PDE1C: variants seen among roughly 807,000 people sequenced by gnomAD.
The protein encoded by PDE1C is dual specificity calcium/calmodulin-dependent 3',5'-cyclic nucleotide phosphodiesterase 1C.
PDE1C carries 62 observed loss-of-function variants against 93.1 expected under a neutral mutation model. The ratio of observed to expected loss-of-function variants is 0.67; its 90% CI spans 0.54 to 0.82. The LOEUF (loss-of-function observed/expected upper bound fraction) is 0.82, where lower values mean the gene tolerates loss of function less well. Ranked by LOEUF, PDE1C falls within the 40% of genes least tolerant of loss-of-function variation. PDE1C has a pLI of 0.00. For synonymous variants in PDE1C, 325 were observed against 310.1 expected, an observed-to-expected ratio of 1.05 and a Z score of -0.50; for missense variants, 742 against 884.6, an observed-to-expected ratio of 0.84 and a Z score of 2.04.
At chr7:32,152,480 G>A (rs1179466739) in intron 3 of PDE1C, among the ~76,000 whole-genome samples, 1 of 152,170 alleles carries the variant, frequency 6.6e-6, no homozygotes, top group African/African-American at 2.4e-5. Flanking sequence ...CTTCAAAGCT[G>A]TGACAAATGA....
intron 1 of PDE1C, among the ~76,000 whole-genome samples, chr7:32,374,239 AAGG>A (rs1562695916): frequency 6.0e-5 from 8 of 132,426 alleles, no homozygotes; most frequent in African/African-American, 2.2e-4. Flanking sequence ...AAAAAGAAAG[AAGG>A]AAGGAAAGGA....
intron 2 of PDE1C, among the ~76,000 whole-genome samples, chr7:31,990,698 T>A (rs1784047891): frequency 6.6e-6 from 1 of 152,236 alleles, no homozygotes; most frequent in Non-Finnish European, 1.5e-5. Context: ...AATACAAATT[T>A]GCTTGAATTC....
intron 1 of PDE1C, among the ~76,000 whole-genome samples, chr7:32,062,839 C>A (rs905424181): frequency 2.0e-5 from 3 of 152,176 alleles, no homozygotes; most frequent in Non-Finnish European, 4.4e-5. Flanking sequence ...GAATGAATGA[C>A]TGAATTTTCT....
intron 1 of PDE1C, among the ~76,000 whole-genome samples, chr7:32,415,237 G>A (rs992464200): frequency 6.6e-6 from 1 of 152,142 alleles, no homozygotes; most frequent in Admixed American, 6.5e-5. Flanking sequence ...GATTACTTGA[G>A]GTCAGTAGTT....
At chr7:31,967,084 G>T (rs1450968015) in intron 2 of PDE1C, among the ~76,000 whole-genome samples, 1 of 152,076 alleles carries the variant, frequency 6.6e-6, no homozygotes, top group Non-Finnish European at 1.5e-5. Context: ...TCAAAAGCTA[G>T]CAGAAGGCAA....
At chr7:32,255,870 C>T (rs999426263) in intron 1 of PDE1C, among the ~76,000 whole-genome samples, 1 of 152,130 alleles carries the variant, frequency 6.6e-6, no homozygotes, top group Admixed American at 6.5e-5. Flanking sequence ...ACAGAAAGGG[C>T]TGGTGGACTA....
intron 2 of PDE1C, among the ~76,000 whole-genome samples, chr7:32,208,171 A>G (rs1194539032): frequency 1.3e-5 from 2 of 152,226 alleles, no homozygotes; most frequent in African/African-American, 2.4e-5. Flanking sequence ...ACAGTTCTAT[A>G]AAAATCATTT....
chr7:32,082,002 T>C (rs4361683), intron 3 of PDE1C, among the ~76,000 whole-genome samples: 95,130 of 152,010 alleles, frequency 0.63, 30,144 homozygotes, highest in African/African-American at 0.71. Flanking sequence ...GAGTGCCAGA[T>C]AGTGGGTGCA....
chr7:32,163,517 A>C (rs1459837777), intron 3 of PDE1C, among the ~76,000 whole-genome samples: 1 of 152,194 alleles, frequency 6.6e-6, no homozygotes, highest in Non-Finnish European at 1.5e-5. Flanking sequence ...TATTCTTAGT[A>C]AGCTATCTAT....
the PDE1C span, among the ~76,000 whole-genome samples, chr7:31,736,460 C>T: frequency 1.3e-5 from 2 of 152,206 alleles, no homozygotes; most frequent in East Asian, 3.8e-4. Context: ...ACTGGAAGGG[C>T]TCAATATGTG....
chr7:31,960,554 A>G (rs1326534130), intron 2 of PDE1C, among the ~76,000 whole-genome samples: 1 of 152,226 alleles, frequency 6.6e-6, no homozygotes, highest in Non-Finnish European at 1.5e-5. Context: ...TTATCATTGT[A>G]CAGTGATTAT....
the PDE1C span, among the ~76,000 whole-genome samples, chr7:31,702,227 C>CAAT: frequency 6.6e-6 from 1 of 150,422 alleles, no homozygotes; most frequent in African/African-American, 2.5e-5. Context: ...TTGCCTCTAC[C>CAAT]AATAGATTGT....
chr7:31,833,409 G>T (rs544529399), intron 11 of PDE1C, among the ~76,000 whole-genome samples: 66 of 152,344 alleles, frequency 4.3e-4, no homozygotes, highest in African/African-American at 1.5e-3. Flanking sequence ...GACTTTAGAA[G>T]TGGGTAACAG....
chr7:32,083,475 C>G (rs949820536), intron 3 of PDE1C, among the ~76,000 whole-genome samples: 26 of 152,166 alleles, frequency 1.7e-4, no homozygotes, highest in Admixed American at 9.2e-4. Context: ...GGCAGGCCAA[C>G]ACTCAGATTC....
intron 9 of PDE1C, among the ~76,000 whole-genome samples, chr7:31,838,694 T>TC (rs1791430684): frequency 6.6e-6 from 1 of 152,110 alleles, no homozygotes; most frequent in African/African-American, 2.4e-5. Flanking sequence ...CTCTCTTTTT[T>TC]CCCTCAACCC....
the PDE1C span, among the ~76,000 whole-genome samples, chr7:31,727,291 T>G: frequency 1.1e-4 from 17 of 152,190 alleles, no homozygotes; most frequent in African/African-American, 2.9e-4. Flanking sequence ...CTGGTGGCCT[T>G]TTGCTGGAGG....
chr7:32,174,055 G>T (rs1802825254), intron 2 of PDE1C, among the ~76,000 whole-genome samples: 1 of 152,028 alleles, frequency 6.6e-6, no homozygotes, highest in Admixed American at 6.6e-5. Context: ...TTTTTTAAGG[G>T]CCCTACACAT....
At chr7:32,124,579 C>T (rs1214051303) in intron 3 of PDE1C, among the ~76,000 whole-genome samples, 2 of 152,086 alleles carry the variant, frequency 1.3e-5, no homozygotes, top group Non-Finnish European at 2.9e-5. Context: ...CTTTGATGAA[C>T]CTGACAAAAA....
At chr7:32,265,253 A>G (rs7796692) in intron 1 of PDE1C, among the ~76,000 whole-genome samples, 42,921 of 152,020 alleles carry the variant, frequency 0.28, 6,428 homozygotes, top group East Asian at 0.45. Context: ...AATCTCTCTC[A>G]GTTGATGAGG....
Sources: gnomAD v4.1 joint callset for allele counts (sites outside exome capture counted in the v4.1 genomes callset) on GRCh38, gnomAD v4.1.1 for gene constraint, MANE v1.5 for transcripts, NCBI Gene and HGNC (gene_info 2026-07-23, HGNC 2026-07-21) for gene names.